Variants in ALK observed in about 807,000 individuals in gnomAD.
ALK encodes the protein ALK tyrosine kinase receptor.
A neutral mutation model predicts 163.1 loss-of-function variants in ALK; 74 were observed. The ratio of observed to expected loss-of-function variants is 0.45; its 90% CI spans 0.38 to 0.55. The LOEUF (loss-of-function observed/expected upper bound fraction) is 0.55. Among genes scored for constraint, ALK ranks in the 20% least tolerant of loss-of-function variants. ALK has a pLI of 0.00. For missense variants in ALK, 2,063 were observed against 2,105.3 expected, an observed-to-expected ratio of 0.98 and a Z score of 0.39; for synonymous variants, 960 against 843.2, an observed-to-expected ratio of 1.14 and a Z score of -2.40.
intron 3 of ALK, among the ~76,000 whole-genome samples, chr2:29,685,122 C>T (rs904371457): frequency 1.3e-5 from 2 of 152,162 alleles, no homozygotes; most frequent in Admixed American, 6.5e-5. Flanking sequence ...CAGTCTGCAA[C>T]TCTTGCCAGT....
rs539311671 is a variant in ALK at position 29,281,084 on chromosome 2, G to C, written c.1818-5588C>G. The stretch of plus-strand genomic sequence containing the variant: ...GAGGAAAAGTTCTAGTATGTACCAG[G>C]TGGTCCATTCTAGGATTGAAGGAAA... On this transcript the variant is annotated intron_variant, in intron 9 of 28. Transcript: ENST00000389048. 1.1e-4 allele frequency among the ~76,000 whole-genome samples: 16 copies of C among 150,858 alleles called. No homozygotes were observed. The Middle Eastern group carries it at 0.015, about 139-fold the overall frequency.
intron 4 of ALK, among the ~76,000 whole-genome samples, chr2:29,402,402 T>A (rs1450150533): frequency 1.2e-4 from 19 of 152,264 alleles, no homozygotes; most frequent in Non-Finnish European, 2.9e-5. Flanking sequence ...AATACCCGAG[T>A]GATGGTCTGG....
At chr2:29,304,771 T>C (rs1202692255) in intron 8 of ALK, among the ~76,000 whole-genome samples, 1 of 152,242 alleles carries the variant, frequency 6.6e-6, no homozygotes, top group East Asian at 1.9e-4. Flanking sequence ...AACCTGTATT[T>C]TGTTATAGAC....
chr2:29,329,822 C>T (rs190533757), intron 5 of ALK, among the ~76,000 whole-genome samples: 7 of 152,352 alleles, frequency 4.6e-5, no homozygotes, highest in African/African-American at 1.7e-4. Context: ...TCTACTTTAG[C>T]ACATCTGGCC....
intron 4 of ALK, among the ~76,000 whole-genome samples, chr2:29,402,288 G>C (rs1669467430): frequency 6.6e-6 from 1 of 152,248 alleles, no homozygotes; most frequent in African/African-American, 2.4e-5. Context: ...CTGGCCTCCT[G>C]TGAGCCTTGC....
At chr2:29,503,377 C>T (rs1409172416) in intron 4 of ALK, among the ~76,000 whole-genome samples, 1 of 152,186 alleles carries the variant, frequency 6.6e-6, no homozygotes, top group Non-Finnish European at 1.5e-5. Context: ...GTTTGTTGAA[C>T]AACTAATATG....
chr2:29,400,003 G>A (rs942858931), intron 4 of ALK, among the ~76,000 whole-genome samples: 2 of 152,176 alleles, frequency 1.3e-5, no homozygotes, highest in Non-Finnish European at 2.9e-5. Flanking sequence ...TACCAACTGA[G>A]TTAGGATAAC....
At chr2:29,324,950 T>C (rs758962400) in intron 6 of ALK, among the ~76,000 whole-genome samples, 20 of 152,200 alleles carry the variant, frequency 1.3e-4, no homozygotes, top group Non-Finnish European at 2.6e-4. Flanking sequence ...CCACTCATCC[T>C]GGACAACTGT....
At chr2:29,582,277 A>G (rs1031220924) in intron 3 of ALK, among the ~76,000 whole-genome samples, 5 of 152,204 alleles carry the variant, frequency 3.3e-5, no homozygotes, top group Non-Finnish European at 5.9e-5. Flanking sequence ...AAGATATTTG[A>G]ATAGTACTCA....
At chr2:29,208,544 G>A (rs1669375483) in intron 25 of ALK, among the ~76,000 whole-genome samples, 1 of 152,200 alleles carries the variant, frequency 6.6e-6, no homozygotes, top group Non-Finnish European at 1.5e-5. Context: ...GGAGAGGAGT[G>A]CGACGGATAG....
At chr2:29,809,741 A>G (rs1417074035) in intron 1 of ALK, among the ~76,000 whole-genome samples, 2 of 152,170 alleles carry the variant, frequency 1.3e-5, no homozygotes, top group Non-Finnish European at 2.9e-5. Context: ...CCTGAATTCA[A>G]ATGATTACTT....
chr2:29,383,568 C>T lies in ALK; in HGVS notation c.1282+164G>A, dbSNP rs13428230. On this transcript the variant is annotated intron_variant, in intron 5 of 28. Coordinates refer to ENST00000389048, the MANE Select transcript of ALK (RefSeq NM_004304.5). ...TTGACCTCAAGTGATCCACCCGTCT[C>T]GGCCTCCCAAAGTGCTGGGATTACA... 0.018 allele frequency among the ~76,000 whole-genome samples: 2,711 copies of T among 152,280 alleles called. 70 individuals carry two copies. Among genetic ancestry groups the T allele is most frequent in the African/African-American group, 0.059 (2,438 of 41,542 alleles).
intron 2 of ALK, among the ~76,000 whole-genome samples, chr2:29,697,044 G>A (rs759192977): frequency 1.3e-5 from 2 of 151,774 alleles, no homozygotes; most frequent in Non-Finnish European, 2.9e-5. Flanking sequence ...TATGTTCTGC[G>A]CTTGTATCCC....
intron 3 of ALK, among the ~76,000 whole-genome samples, chr2:29,560,263 C>A (rs1288012849): frequency 6.6e-6 from 1 of 152,106 alleles, no homozygotes; most frequent in Non-Finnish European, 1.5e-5. Flanking sequence ...GAATATTATT[C>A]AACAATCTAA....
At chr2:29,641,384 C>T (rs890578351) in intron 3 of ALK, among the ~76,000 whole-genome samples, 2 of 151,958 alleles carry the variant, frequency 1.3e-5, no homozygotes, top group Non-Finnish European at 2.9e-5. Flanking sequence ...GACCACAGCG[C>T]GTGATTCTGA....
intron 5 of ALK, among the ~76,000 whole-genome samples, chr2:29,340,547 G>C (rs1667759206): frequency 6.6e-6 from 1 of 152,188 alleles, no homozygotes; most frequent in Admixed American, 6.5e-5. Flanking sequence ...AAAGAGACAA[G>C]ATAGCCACCG....
chr2:29,433,643 C>T (rs1424473481), intron 4 of ALK, among the ~76,000 whole-genome samples: 1 of 151,758 alleles, frequency 6.6e-6, no homozygotes, highest in East Asian at 1.9e-4. Flanking sequence ...AAATATGTAA[C>T]AGGTAAGCAT....
chr2:29,274,110 G>A (rs942795184), intron 11 of ALK, among the ~76,000 whole-genome samples: 2 of 152,216 alleles, frequency 1.3e-5, no homozygotes, highest in South Asian at 2.1e-4. Context: ...AAGGGGTGAC[G>A]GTTAGCCCTG....
chr2:29,371,438 G>A (rs1668634704), intron 5 of ALK, among the ~76,000 whole-genome samples: 1 of 152,190 alleles, frequency 6.6e-6, no homozygotes, highest in African/African-American at 2.4e-5. Context: ...CCTGGTGTGA[G>A]GAGCTCTGTC....
Sources: allele counts gnomAD v4.1 joint callset (sites outside exome capture counted in the v4.1 genomes callset), GRCh38; gene constraint gnomAD v4.1.1; transcripts MANE v1.5; gene names NCBI Gene and HGNC (gene_info 2026-07-23, HGNC 2026-07-21).